OPCML: variants seen among roughly 807,000 people sequenced by gnomAD.
OPCML encodes the protein opioid binding protein/cell adhesion molecule like.
OPCML carries 13 observed loss-of-function variants against 37.8 expected under a neutral mutation model. That is an observed-to-expected ratio of 0.34 (90% CI 0.22 to 0.55). The LOEUF is 0.55. Ranked by LOEUF, OPCML falls within the 20% of genes least tolerant of loss-of-function variation. OPCML has a pLI of 0.91. For missense variants in OPCML, 341 were observed against 435.6 expected (o/e 0.78, Z 1.93); for synonymous variants, 176 against 168.8 (o/e 1.04, Z -0.33).
chr11:132,563,735 C>G (rs1565668671), intron 3 of OPCML, among the ~76,000 whole-genome samples: 1 of 152,020 alleles, frequency 6.6e-6, no homozygotes, highest in Non-Finnish European at 1.5e-5. Context: ...GCCATTTTTA[C>G]AAGTTTCTTT....
chr11:133,206,503 G>C lies in OPCML; in HGVS notation c.62-263493C>G, dbSNP rs552154053. ...ATTCTTCCGTTAAAGTTGTGAAAGC[G>C]TGTTAAGAGAGGAAGAGAAACACCC... is the stretch of plus-strand genomic sequence containing the variant. On this transcript the variant is annotated intron_variant, in intron 1 of 7. Transcript: ENST00000524381. This position sits in a 1 kb window ranked among gnomAD's most constrained non-coding sequence, Gnocchi z 4.7. Among the ~76,000 whole-genome samples, 1 of 152,190 alleles carries C rather than the reference G, an allele frequency of 6.6e-6. No homozygotes were observed. The highest frequency in any genetic ancestry group is 1.5e-5 in the Non-Finnish European group (1 of 68,038).
chr11:133,460,835 C>A (rs1946841896), intron 1 of OPCML, among the ~76,000 whole-genome samples: 1 of 151,850 alleles, frequency 6.6e-6, no homozygotes, highest in African/African-American at 2.4e-5. Flanking sequence ...CTAGAAAATA[C>A]TAGCAAATAG....
chr11:133,070,755 G>A (rs1948519779), intron 1 of OPCML, among the ~76,000 whole-genome samples: 1 of 152,142 alleles, frequency 6.6e-6, no homozygotes, highest in African/African-American at 2.4e-5. Flanking sequence ...GGGTGGTCTG[G>A]GCAGGCAGCT....
Position 132,416,924 on chromosome 11 carries a change from C to T in OPCML, c.*3269G>A, listed in dbSNP as rs140390178. 2.7e-4 allele frequency: 41 copies of T among 152,686 alleles called. No homozygotes were observed. The highest frequency in any genetic ancestry group is 7.7e-4 in the African/African-American group (32 of 41,558). 9.5% of individuals were successfully genotyped at this position (152,686 alleles called of 1,614,324 possible). A position where few individuals can be genotyped will look rare whatever the true frequency, so the allele number is the denominator to read the frequency against. On this transcript the variant is annotated 3_prime_UTR_variant, in exon 8 of 8. Coordinates refer to ENST00000524381, the MANE Select transcript of OPCML (RefSeq NM_001012393.5). ...AACAAGCTTGGCTGCAGCCTTAACA[C>T]GAGCACTTTCATTGGCATTACTTTG...
chr11:133,346,405 C>T (rs1944001289), intron 1 of OPCML, among the ~76,000 whole-genome samples: 2 of 152,182 alleles, frequency 1.3e-5, no homozygotes, highest in African/African-American at 2.4e-5. Context: ...GTAATTTTTG[C>T]TTTCAAAAGC....
At chr11:133,331,671 A>C (rs1943622670) in intron 1 of OPCML, among the ~76,000 whole-genome samples, 1 of 152,130 alleles carries the variant, frequency 6.6e-6, no homozygotes, top group African/African-American at 2.4e-5. Context: ...ATTATAACTC[A>C]ACCTCTATTA....
chr11:133,251,040 A>AG (rs1350162657), intron 1 of OPCML, among the ~76,000 whole-genome samples: 1 of 152,086 alleles, frequency 6.6e-6, no homozygotes, highest in African/African-American at 2.4e-5. Flanking sequence ...AAATCAGAGA[A>AG]GCCTTTTCCT....
chr11:132,484,014 C>T (rs1362430571), intron 4 of OPCML, among the ~76,000 whole-genome samples: 1 of 152,078 alleles, frequency 6.6e-6, no homozygotes, highest in East Asian at 1.9e-4. Context: ...TGGGCAAGGA[C>T]TTCATGTCTA....
chr11:132,967,818 G>A (rs1331826792), intron 1 of OPCML, among the ~76,000 whole-genome samples: 1 of 152,092 alleles, frequency 6.6e-6, no homozygotes, highest in Admixed American at 6.6e-5. Context: ...TTGTAAGGTG[G>A]TCTGCAAGCA....
At chr11:133,002,461 C>T (rs957259452) in intron 1 of OPCML, among the ~76,000 whole-genome samples, 4 of 152,340 alleles carry the variant, frequency 2.6e-5, no homozygotes, top group Admixed American at 6.5e-5. Context: ...ACATCCATGT[C>T]GCCCTGAGTA....
In OPCML at chr11:132,871,353, T is replaced by C. The variant is rs116241000; in HGVS notation, c.146+71573A>G. The stretch of plus-strand genomic sequence containing the variant: ...AAATATCACATGTACCCCATAAATA[T>C]GTACAAATACTATTATCATCAGAAA... On this transcript the variant is annotated intron_variant, in intron 2 of 7. Transcript: ENST00000524381. Among the ~76,000 whole-genome samples, 692 of 152,306 alleles carry C rather than the reference T, an allele frequency of 4.5e-3. 6 individuals carry two copies. The highest frequency in any genetic ancestry group is 0.016 in the African/African-American group (660 of 41,568).
chr11:132,486,708 T>C (rs2096201050), intron 4 of OPCML, among the ~76,000 whole-genome samples: 1 of 152,180 alleles, frequency 6.6e-6, no homozygotes, highest in African/African-American at 2.4e-5. Flanking sequence ...TTTCTCTTTT[T>C]TTACACATCA....
rs138170168 is a variant in OPCML, at chr11:133,353,808, A to G, written c.61+178456T>C. On this transcript the variant is annotated intron_variant, in intron 1 of 7. Transcript: ENST00000524381. The stretch of plus-strand genomic sequence containing the variant: ...TGGACGATGTAGATAAAACAAAATC[A>G]GAGGCTTTATGCCTGCTGTTCCATC... Among the ~76,000 whole-genome samples, 6 of 152,352 alleles carry G rather than the reference A, an allele frequency of 3.9e-5. No individual in the cohort carries two copies. The East Asian group carries it at 1.2e-3, about 29-fold the overall frequency.
intron 1 of OPCML, among the ~76,000 whole-genome samples, chr11:132,989,265 T>C (rs1946732225): frequency 6.6e-6 from 1 of 152,108 alleles, no homozygotes; most frequent in Non-Finnish European, 1.5e-5. Flanking sequence ...ATAAATCAAC[T>C]GAGGAATATT....
At position 132,608,139 on chromosome 11, in the gene OPCML, T is replaced by C. The variant is rs115666793; in HGVS notation, c.379+48948A>G. Among the ~76,000 whole-genome samples, 1,429 of 152,314 alleles carry C rather than the reference T, an allele frequency of 9.4e-3. 24 individuals are homozygous for C. The highest frequency in any genetic ancestry group is 0.032 in the African/African-American group (1,343 of 41,566). On this transcript the variant is annotated intron_variant, in intron 3 of 7. Coordinates refer to ENST00000524381, the MANE Select transcript of OPCML (RefSeq NM_001012393.5). The stretch of plus-strand genomic sequence containing the variant: ...CAAAATATGTGCATCTATTTATGTA[T>C]AAATAAAAATAAGATAAATTATTGG...
intron 1 of OPCML, among the ~76,000 whole-genome samples, chr11:133,214,141 C>T (rs960972036): frequency 2.6e-5 from 4 of 151,924 alleles, no homozygotes; most frequent in Non-Finnish European, 1.5e-5. Context: ...ACTATAAAGA[C>T]ATAACATTCC....
At chr11:133,472,905 G>A (rs981039420) in intron 1 of OPCML, among the ~76,000 whole-genome samples, 4 of 151,988 alleles carry the variant, frequency 2.6e-5, no homozygotes, top group African/African-American at 9.7e-5. Flanking sequence ...CCCCAGTCCT[G>A]TCCCAGCCCT....
rs755229262 is a variant in OPCML, at chr11:133,217,783, T to A, written c.62-274773A>T. Among the ~76,000 whole-genome samples the A allele has an allele frequency of 2.0e-5, 3 of 152,308 alleles. No individual in the cohort carries two copies. In the South Asian group the frequency reaches 6.2e-4, roughly 32 times the overall value. ...GAAGTTTTGCTGAGGCCAGGTGCAG[T>A]GGCTAGCACCTGTAATCCCAGCACT... On this transcript the variant is annotated intron_variant, in intron 1 of 7. Transcript: ENST00000524381.
At chr11:133,434,545 T>C (rs548064878) in intron 1 of OPCML, among the ~76,000 whole-genome samples, 1 of 152,150 alleles carries the variant, frequency 6.6e-6, no homozygotes, top group South Asian at 2.1e-4. Context: ...CAATACTCCA[T>C]GGCTGAAGTT....
Sources: allele counts gnomAD v4.1 joint callset (sites outside exome capture counted in the v4.1 genomes callset), GRCh38; gene constraint gnomAD v4.1.1; non-coding constraint Gnocchi (gnomAD v3.1); transcripts MANE v1.5; gene names NCBI Gene and HGNC (gene_info 2026-07-23, HGNC 2026-07-21).